The following KCNH7 variants were observed in gnomAD, a reference collection of about 807,000 sequenced individuals.
KCNH7 encodes voltage-gated inwardly rectifying potassium channel KCNH7.
Under a neutral mutation model 120.8 loss-of-function variants are expected in KCNH7, and 49 were observed. The ratio of observed to expected loss-of-function variants is 0.41; its 90% confidence interval spans 0.32 to 0.51. The LOEUF (loss-of-function observed/expected upper bound fraction) is 0.51, where lower values mean the gene tolerates loss of function less well. Among genes scored for constraint, KCNH7 ranks in the 20% least tolerant of loss-of-function variants. The pLI, the probability that KCNH7 is intolerant of heterozygous loss-of-function variation, is 0.38. For missense variants in KCNH7, 1,097 were observed against 1,446.6 expected (o/e 0.76, Z 3.92); for synonymous variants, 547 against 516.1 (o/e 1.06, Z -0.81).
intron 6 of KCNH7, among the ~76,000 whole-genome samples, chr2:162,470,541 C>G (rs1434728172): frequency 6.6e-6 from 1 of 152,042 alleles, no homozygotes; most frequent in Non-Finnish European, 1.5e-5. Context: ...TGAGGAGCGT[C>G]TCCGCCCGGC....
intron 2 of KCNH7, among the ~76,000 whole-genome samples, chr2:162,550,285 C>T (rs889064812): frequency 6.6e-6 from 1 of 152,128 alleles, no homozygotes; most frequent in Non-Finnish European, 1.5e-5. Flanking sequence ...TGCATTTCCT[C>T]AGTTTGCCCT....
intron 2 of KCNH7, among the ~76,000 whole-genome samples, chr2:162,623,745 A>G (rs1477924709): frequency 6.6e-6 from 1 of 152,148 alleles, no homozygotes; most frequent in Non-Finnish European, 1.5e-5. Flanking sequence ...AAATGAGCTA[A>G]CCTTTGTAAA....
At chr2:162,437,006 C>T (rs977897251) in intron 7 of KCNH7, among the ~76,000 whole-genome samples, 4 of 151,830 alleles carry the variant, frequency 2.6e-5, no homozygotes, top group African/African-American at 9.7e-5. Flanking sequence ...CCTGTAGTCC[C>T]AGCTATTCTA....
intron 6 of KCNH7, among the ~76,000 whole-genome samples, chr2:162,493,960 T>C (rs1010807778): frequency 2.0e-5 from 3 of 152,194 alleles, no homozygotes; most frequent in Non-Finnish European, 4.4e-5. Flanking sequence ...AGGTACTATA[T>C]AGTTTTTCCA....
chr2:162,721,378 T>A (rs1687321189), intron 2 of KCNH7, among the ~76,000 whole-genome samples: 1 of 152,130 alleles, frequency 6.6e-6, no homozygotes, highest in South Asian at 2.1e-4. Context: ...GAAAGACATC[T>A]GAAATCAGAA....
chr2:162,527,093 A>G (rs970651663), intron 3 of KCNH7, among the ~76,000 whole-genome samples: 1 of 152,002 alleles, frequency 6.6e-6, no homozygotes, highest in Non-Finnish European at 1.5e-5. Flanking sequence ...TTGATCTTAG[A>G]AATAGATACG....
At chr2:162,650,445 T>C (rs1456117347) in intron 2 of KCNH7, among the ~76,000 whole-genome samples, 1 of 152,152 alleles carries the variant, frequency 6.6e-6, no homozygotes, top group Non-Finnish European at 1.5e-5. Flanking sequence ...GAGGGCTATG[T>C]TTCAATATAT....
chr2:162,763,427 T>C (rs1375748481), intron 2 of KCNH7, among the ~76,000 whole-genome samples: 1 of 152,136 alleles, frequency 6.6e-6, no homozygotes, highest in Non-Finnish European at 1.5e-5. Flanking sequence ...CACAGTTGAC[T>C]TTCACTATCT....
At chr2:162,697,827 C>T (rs1301659620) in intron 2 of KCNH7, among the ~76,000 whole-genome samples, 4 of 152,016 alleles carry the variant, frequency 2.6e-5, no homozygotes, top group Non-Finnish European at 5.9e-5. Flanking sequence ...ACCTCGGTTG[C>T]CTCATCTTAA....
intron 2 of KCNH7, among the ~76,000 whole-genome samples, chr2:162,619,426 A>G (rs993974962): frequency 1.3e-5 from 2 of 151,214 alleles, no homozygotes; most frequent in East Asian, 3.9e-4. Context: ...TGGAACAATA[A>G]GAATTGGCCC....
chr2:162,425,415 G>A (rs1687827244), intron 8 of KCNH7, among the ~76,000 whole-genome samples: 1 of 152,108 alleles, frequency 6.6e-6, no homozygotes, highest in South Asian at 2.1e-4. Context: ...TAGAGCAGAT[G>A]TTTAGATTGT....
intron 12 of KCNH7, among the ~76,000 whole-genome samples, chr2:162,392,221 G>T (rs1233733188): frequency 6.6e-6 from 1 of 151,916 alleles, no homozygotes; most frequent in Non-Finnish European, 1.5e-5. Flanking sequence ...ATTTGAGATT[G>T]ACTTTGATAA....
chr2:162,493,599 A>G (rs1690398808), intron 6 of KCNH7, among the ~76,000 whole-genome samples: 1 of 152,176 alleles, frequency 6.6e-6, no homozygotes, highest in South Asian at 2.1e-4. Context: ...GACATATGGA[A>G]TTAACCACGT....
intron 2 of KCNH7, among the ~76,000 whole-genome samples, chr2:162,670,921 C>CA (rs1382510371): frequency 6.6e-6 from 1 of 151,224 alleles, no homozygotes; most frequent in East Asian, 2.0e-4. Flanking sequence ...AAAGAGTATA[C>CA]AAAAATTTCA....
intron 2 of KCNH7, among the ~76,000 whole-genome samples, chr2:162,639,429 G>T (rs1291752830): frequency 6.6e-6 from 1 of 152,020 alleles, no homozygotes; most frequent in East Asian, 1.9e-4. Context: ...TAAGAAACTT[G>T]CCCAAGGTAA....
chr2:162,603,779 G>C (rs1188751178), intron 2 of KCNH7, among the ~76,000 whole-genome samples: 1 of 151,982 alleles, frequency 6.6e-6, no homozygotes, highest in Non-Finnish European at 1.5e-5. Context: ...ACTGTCCTCA[G>C]TGTATTCTCC....
chr2:162,734,050 T>C (rs1687818045), intron 2 of KCNH7, among the ~76,000 whole-genome samples: 1 of 152,160 alleles, frequency 6.6e-6, no homozygotes, highest in South Asian at 2.1e-4. Flanking sequence ...TGACTATAAT[T>C]TGAATGGATA....
chr2:162,719,558 G>T (rs1215368584), intron 2 of KCNH7, among the ~76,000 whole-genome samples: 1 of 151,920 alleles, frequency 6.6e-6, no homozygotes, highest in Non-Finnish European at 1.5e-5. Flanking sequence ...TCATGTTTTA[G>T]TGAGAAATAT....
chr2:162,690,532 G>A (rs1686064952), intron 2 of KCNH7, among the ~76,000 whole-genome samples: 2 of 152,090 alleles, frequency 1.3e-5, no homozygotes, highest in Admixed American at 1.3e-4. Flanking sequence ...TTTTATAGAG[G>A]AAATATATAA....
Sources: allele counts gnomAD v4.1 joint callset (sites outside exome capture counted in the v4.1 genomes callset), GRCh38; gene constraint gnomAD v4.1.1; transcripts MANE v1.5; gene names NCBI Gene and HGNC (gene_info 2026-07-23, HGNC 2026-07-21).